CLNK: variants seen among roughly 807,000 people sequenced by gnomAD.
CLNK encodes the protein cytokine dependent hematopoietic cell linker, also known as cytokine-dependent hematopoietic cell linker.
A neutral mutation model predicts 68.6 loss-of-function variants in CLNK; 74 were observed. That is an observed-to-expected ratio of 1.08 (90% CI 0.89 to 1.31). CLNK has a LOEUF of 1.31. CLNK is among the 50% of genes most tolerant of loss of function. CLNK has a pLI of 0.00. For synonymous variants in CLNK, 198 were observed against 172.2 expected, an observed-to-expected ratio of 1.15 and a Z score of -1.17; for missense variants, 553 against 515.3, an observed-to-expected ratio of 1.07 and a Z score of -0.71.
At position 10,490,628 on chromosome 4, in the gene CLNK, A is replaced by C. The variant is rs1484080063; in HGVS notation, c.1141-15T>G. 4.5e-6 allele frequency: 7 copies of C among 1,552,792 alleles called. No individual in the cohort carries two copies. The highest frequency in any genetic ancestry group is 5.2e-6 in the Non-Finnish European group (6 of 1,146,878). On this transcript the variant is annotated splice_polypyrimidine_tract_variant and intron_variant, in intron 18 of 18. Coordinates refer to ENST00000226951, the MANE Select transcript of CLNK (RefSeq NM_052964.4). ...GAATCAAACTTCTGAAACACAGAAAAGAAAGTTAATGACTTTTAAAATATC... is the reference window on the plus strand; with the variant it reads ...GAATCAAACTTCTGAAACACAGAAACGAAAGTTAATGACTTTTAAAATATC...
chr4:10,542,943 A>G (rs1348491983), intron 8 of CLNK, among the ~76,000 whole-genome samples: 2 of 152,152 alleles, frequency 1.3e-5, no homozygotes, highest in Non-Finnish European at 2.9e-5. Flanking sequence ...CTATTTCCAT[A>G]ATTCAACTCA....
At chr4:10,690,051 G>A in the CLNK span, among the ~76,000 whole-genome samples, 137 of 152,158 alleles carry the variant, frequency 9.0e-4, no homozygotes, top group Non-Finnish European at 1.7e-3. Context: ...GATTTCAGAC[G>A]CGCTGAATTT....
chr4:10,591,998 C>T (rs957219403), intron 3 of CLNK, among the ~76,000 whole-genome samples: 3 of 152,262 alleles, frequency 2.0e-5, no homozygotes, highest in Non-Finnish European at 4.4e-5. Context: ...CAAGCTCATA[C>T]ACCCAAGACC....
chr4:10,641,100 G>A (rs554445770), intron 2 of CLNK, among the ~76,000 whole-genome samples: 1 of 152,268 alleles, frequency 6.6e-6, no homozygotes, highest in South Asian at 2.1e-4. Flanking sequence ...AATACAGGGA[G>A]TCATGTTTAA....
intron 2 of CLNK, among the ~76,000 whole-genome samples, chr4:10,651,590 T>A (rs1160916020): frequency 6.6e-6 from 1 of 152,192 alleles, no homozygotes; most frequent in Admixed American, 6.5e-5. Flanking sequence ...AAGTTGCATG[T>A]GCTTTAAAAA....
chr4:10,550,362 G>T (rs1235617705), intron 8 of CLNK, among the ~76,000 whole-genome samples: 1 of 152,110 alleles, frequency 6.6e-6, no homozygotes, highest in Admixed American at 6.5e-5. Flanking sequence ...GGGCGTGGTG[G>T]CGGGCGCCTG....
chr4:10,699,494 C>CTATA, the CLNK span, among the ~76,000 whole-genome samples: 7 of 56,988 alleles, frequency 1.2e-4, no homozygotes, highest in African/African-American at 1.8e-4. Context: ...CTCTCTCTCT[C>CTATA]TATATATATA....
intron 1 of CLNK, among the ~76,000 whole-genome samples, chr4:10,680,682 TGTA>T (rs1011342832): frequency 3.7e-4 from 56 of 152,336 alleles, no homozygotes; most frequent in African/African-American, 1.3e-3. Context: ...TGCATTTTTA[TGTA>T]CTGAATCTCA....
intron 17 of CLNK, among the ~76,000 whole-genome samples, chr4:10,503,772 CTTTTTTTT>C (rs869102696): frequency 5.5e-4 from 35 of 63,336 alleles, no homozygotes; most frequent in Non-Finnish European, 8.8e-4. Context: ...CATTTAGAGA[CTTTTTTTT>C]TTTTTTTTTT....
chr4:10,674,432 A>G (rs1724791425), intron 1 of CLNK, among the ~76,000 whole-genome samples: 1 of 152,254 alleles, frequency 6.6e-6, no homozygotes, highest in Non-Finnish European at 1.5e-5. Flanking sequence ...CTTAAAGCCT[A>G]GGCAAAAGGG....
intron 1 of CLNK, among the ~76,000 whole-genome samples, chr4:10,680,662 C>G (rs1422483333): frequency 6.6e-6 from 1 of 152,122 alleles, no homozygotes; most frequent in Non-Finnish European, 1.5e-5. Flanking sequence ...AATTACTAGT[C>G]ACCATGATAT....
intron 15 of CLNK, among the ~76,000 whole-genome samples, chr4:10,515,856 G>T (rs1011595163): frequency 5.3e-5 from 8 of 152,086 alleles, no homozygotes; most frequent in Non-Finnish European, 1.2e-4. Context: ...AGTCCTGCCT[G>T]GATAAAAGGT....
At position 10,502,201 on chromosome 4, in the gene CLNK, T is replaced by A. The variant is rs1203351425; in HGVS notation, c.985-790A>T. On this transcript the variant is annotated intron_variant, in intron 17 of 18. Coordinates refer to ENST00000226951, the MANE Select transcript of CLNK (RefSeq NM_052964.4). The stretch of plus-strand genomic sequence containing the variant: ...TGGGTAATTTATAAAGGAAAGAGGT[T>A]TAATTGACTCAGTTCCACATGGCTG... Among the ~76,000 whole-genome samples, 11 of 152,172 alleles carry A rather than the reference T, an allele frequency of 7.2e-5. No homozygotes were observed. In the East Asian group the frequency reaches 2.1e-3, roughly 29 times the overall value.
chr4:10,725,512 C>G, the CLNK span, among the ~76,000 whole-genome samples: 1 of 152,268 alleles, frequency 6.6e-6, no homozygotes, highest in African/African-American at 2.4e-5. Context: ...ACTACCCCCC[C>G]ATAAATCCAA....
rs11736754 is a variant in CLNK, at chr4:10,489,727, C to A, written c.*740G>T. The stretch of plus-strand genomic sequence containing the variant: ...CCCAGGCTGGATTGGAGTGCAGTGG[C>A]GCGATTTCGGCTCACTGCAAGCTCC... On this transcript the variant is annotated 3_prime_UTR_variant, in exon 19 of 19. Coordinates refer to ENST00000226951, the MANE Select transcript of CLNK (RefSeq NM_052964.4). 8.3e-5 allele frequency: 2 copies of A among 24,076 alleles called. No homozygotes were observed. Among genetic ancestry groups the A allele is most frequent in the Non-Finnish European group, 2.2e-4 (2 of 9,020 alleles). 1.5% of individuals were successfully genotyped at this position (24,076 alleles called of 1,614,324 possible).
At chr4:10,592,447 G>A (rs1172281837) in intron 3 of CLNK, among the ~76,000 whole-genome samples, 1 of 152,008 alleles carries the variant, frequency 6.6e-6, no homozygotes, top group Non-Finnish European at 1.5e-5. Context: ...CACTCTCTGA[G>A]CCTCCCCCAC....
intron 2 of CLNK, among the ~76,000 whole-genome samples, chr4:10,614,913 G>C (rs756115346): frequency 6.6e-6 from 1 of 152,172 alleles, no homozygotes; most frequent in Non-Finnish European, 1.5e-5. Flanking sequence ...GGCTGGGTGC[G>C]GTGGCTCACA....
the CLNK span, among the ~76,000 whole-genome samples, chr4:10,713,414 A>G: frequency 6.6e-6 from 1 of 152,176 alleles, no homozygotes; most frequent in African/African-American, 2.4e-5. Context: ...CCTGTCCAAG[A>G]TGGTGCTAGG....
chr4:10,506,538 G>A (rs963535361), intron 17 of CLNK, among the ~76,000 whole-genome samples: 2 of 152,076 alleles, frequency 1.3e-5, no homozygotes, highest in African/African-American at 2.4e-5. Context: ...CTCCTTTCTC[G>A]AAGAAGTGAG....
Sources: allele counts gnomAD v4.1 joint callset (sites outside exome capture counted in the v4.1 genomes callset), GRCh38; gene constraint gnomAD v4.1.1; transcripts MANE v1.5; gene names NCBI Gene and HGNC (gene_info 2026-07-23, HGNC 2026-07-21).